The following HYAL4 variants were observed in gnomAD, a reference collection of about 807,000 sequenced individuals.
HYAL4 encodes the protein hyaluronidase-4.
Under a neutral mutation model 35.2 loss-of-function variants are expected in HYAL4, and 37 were observed. The observed-to-expected ratio is 1.05, with a 90% confidence interval of 0.81 to 1.38. The LOEUF (loss-of-function observed/expected upper bound fraction) is 1.38. HYAL4 is among the 40% of genes most tolerant of loss of function. The pLI, the probability that HYAL4 is intolerant of heterozygous loss-of-function variation, is 0.00. For synonymous variants in HYAL4, 198 were observed against 203.2 expected (o/e 0.97, Z 0.22); for missense variants, 572 against 572.4 (o/e 1.00, Z 0.01).
chr7:123,804,627 T>C, the HYAL4 span, among the ~76,000 whole-genome samples: 1 of 152,214 alleles, frequency 6.6e-6, no homozygotes, highest in Non-Finnish European at 1.5e-5. Flanking sequence ...CCATCACATA[T>C]ATTCCCACAC....
In HYAL4 at chr7:123,871,761, C is replaced by CAT. The variant is rs533659335; in HGVS notation, c.954+2537_954+2538dup. On this transcript the variant is annotated intron_variant, in intron 3 of 4. Transcript: ENST00000223026. The stretch of plus-strand genomic sequence containing the variant: ...ATGATGTAAATCAAATGAGAACATG[C>CAT]ATATGAAAACTTGAAGCTCTACAGA... Among the ~76,000 whole-genome samples, 1,292 of 152,254 alleles carry CAT rather than the reference C, an allele frequency of 8.5e-3. 11 individuals are homozygous for CAT. Among genetic ancestry groups the CAT allele is most frequent in the Non-Finnish European group, 0.013 (852 of 68,026 alleles).
chr7:123,862,077 A>G (rs756134277), intron 2 of HYAL4, among the ~76,000 whole-genome samples: 13 of 152,204 alleles, frequency 8.5e-5, no homozygotes, highest in Admixed American at 2.6e-4. Context: ...ATAGATGCCT[A>G]TTATTGGCTG....
chr7:123,791,355 T>C, the HYAL4 span, among the ~76,000 whole-genome samples: 1 of 152,342 alleles, frequency 6.6e-6, no homozygotes, highest in Non-Finnish European at 1.5e-5. Context: ...TAATTCATCA[T>C]GTAAATAGAA....
the HYAL4 span, among the ~76,000 whole-genome samples, chr7:123,795,934 A>G: frequency 6.6e-6 from 1 of 152,314 alleles, no homozygotes; most frequent in Non-Finnish European, 1.5e-5. Context: ...GCAGAATAAA[A>G]CTGGTTCCTT....
At chr7:123,809,209 A>G in the HYAL4 span, among the ~76,000 whole-genome samples, 1 of 152,008 alleles carries the variant, frequency 6.6e-6, no homozygotes, top group Non-Finnish European at 1.5e-5. Context: ...CCTGACCCTG[A>G]AAACCTGTCC....
At chr7:123,769,166 A>G in the HYAL4 span, among the ~76,000 whole-genome samples, 1 of 152,234 alleles carries the variant, frequency 6.6e-6, no homozygotes. Context: ...GGTTCAAGCA[A>G]GAGGATCTAT....
At chr7:123,834,447 CTT>C (rs1230784541) in intron 1 of HYAL4, among the ~76,000 whole-genome samples, 1 of 152,112 alleles carries the variant, frequency 6.6e-6, no homozygotes, top group Non-Finnish European at 1.5e-5. Context: ...TATCCAGAAA[CTT>C]TGCTGAATTC....
the HYAL4 span, among the ~76,000 whole-genome samples, chr7:123,816,816 C>T: frequency 6.6e-6 from 1 of 152,090 alleles, no homozygotes; most frequent in Non-Finnish European, 1.5e-5. Flanking sequence ...GGGTTTTTCT[C>T]ACCTTTGGTC....
the HYAL4 span, among the ~76,000 whole-genome samples, chr7:123,783,162 T>C: frequency 1.3e-5 from 2 of 152,182 alleles, no homozygotes; most frequent in Non-Finnish European, 2.9e-5. Flanking sequence ...TTTCAGTTAA[T>C]TTCAATAAAT....
intron 2 of HYAL4, among the ~76,000 whole-genome samples, chr7:123,857,591 C>T (rs893708823): frequency 6.6e-6 from 1 of 152,118 alleles, no homozygotes; most frequent in Admixed American, 6.6e-5. Context: ...CTGCATTGAT[C>T]TCACTGGGAG....
chr7:123,852,337 G>A (rs1271218717), intron 2 of HYAL4, among the ~76,000 whole-genome samples: 1 of 152,150 alleles, frequency 6.6e-6, no homozygotes, highest in African/African-American at 2.4e-5. Context: ...GAATGGTAAT[G>A]CCTAGGTTTT....
the HYAL4 span, among the ~76,000 whole-genome samples, chr7:123,778,560 G>A: frequency 2.0e-5 from 3 of 150,266 alleles, no homozygotes; most frequent in East Asian, 2.0e-4. Flanking sequence ...TCATTGTTTC[G>A]TACGATGTCT....
At position 123,875,834 on chromosome 7, in the gene HYAL4, T is replaced by G. The variant is rs1041615666; in HGVS notation, c.1045-920T>G. On this transcript the variant is annotated intron_variant, in intron 4 of 4. Coordinates refer to ENST00000223026, the MANE Select transcript of HYAL4 (RefSeq NM_012269.3). ...TTTCTATAATGTAATGCATTTTACC[T>G]TGAATACTGGCACCCTTGACACTTT... Among the ~76,000 whole-genome samples the G allele has an allele frequency of 2.6e-4, 40 of 152,304 alleles. 1 individual carries two copies. Among genetic ancestry groups the G allele is most frequent in the Admixed American group, 1.5e-3 (23 of 15,294 alleles).
Position 123,877,301 on chromosome 7 carries a change from C to A in HYAL4, c.*146C>A. On this transcript the variant is annotated 3_prime_UTR_variant, in exon 5 of 5. Transcript: ENST00000223026. ...GTATGTCACTTAACATAAACAGAAACATTATTTTATTTGCCTCCAGTCTGG... is the reference window on the plus strand; with the variant it reads ...GTATGTCACTTAACATAAACAGAAAAATTATTTTATTTGCCTCCAGTCTGG... The A allele has an allele frequency of 1.2e-6, 1 of 819,974 alleles. No homozygotes were observed. The highest frequency in any genetic ancestry group is 1.8e-6 in the Non-Finnish European group (1 of 544,270). 50.8% of individuals were successfully genotyped at this position (819,974 alleles called of 1,614,324 possible).
intron 2 of HYAL4, among the ~76,000 whole-genome samples, chr7:123,857,562 T>G (rs927684181): frequency 6.6e-6 from 1 of 152,062 alleles, no homozygotes; most frequent in African/African-American, 2.4e-5. Context: ...CAGTTGGAAA[T>G]GCAGAAATCA....
chr7:123,857,895 A>G (rs1806490212), intron 2 of HYAL4, among the ~76,000 whole-genome samples: 1 of 151,970 alleles, frequency 6.6e-6, no homozygotes, highest in Admixed American at 6.6e-5. Context: ...TCTTAAATGG[A>G]GATATGGAAT....
chr7:123,790,286 A>G, the HYAL4 span, among the ~76,000 whole-genome samples: 1 of 152,228 alleles, frequency 6.6e-6, no homozygotes, highest in Non-Finnish European at 1.5e-5. Flanking sequence ...ATATATAATC[A>G]TTAAAAATCC....
intron 2 of HYAL4, among the ~76,000 whole-genome samples, chr7:123,854,314 T>G (rs1303178247): frequency 6.6e-6 from 1 of 152,216 alleles, no homozygotes; most frequent in East Asian, 1.9e-4. Context: ...ATTGTGATGT[T>G]AGGGTGTCGG....
chr7:123,767,248 A>G, the HYAL4 span, among the ~76,000 whole-genome samples: 2 of 152,216 alleles, frequency 1.3e-5, no homozygotes, highest in Non-Finnish European at 2.9e-5. Context: ...GCCTCAAAAT[A>G]TCTTTGCTAA....
Sources: allele counts gnomAD v4.1 joint callset (sites outside exome capture counted in the v4.1 genomes callset), GRCh38; gene constraint gnomAD v4.1.1; transcripts MANE v1.5; gene names NCBI Gene and HGNC (gene_info 2026-07-23, HGNC 2026-07-21).